RPS6KC1: variants seen among roughly 807,000 people sequenced by gnomAD.
RPS6KC1 encodes the protein inactive ribosomal protein S6 kinase delta-1.
In RPS6KC1, 54 loss-of-function variants were observed where a neutral mutation model predicts 103.8. The ratio of observed to expected loss-of-function variants is 0.52; its 90% confidence interval spans 0.42 to 0.65. The LOEUF is 0.65. Ranked by LOEUF, RPS6KC1 falls within the 30% of genes least tolerant of loss-of-function variation. The pLI is 0.00. For missense variants in RPS6KC1, 1,151 were observed against 1,253.8 expected, an observed-to-expected ratio of 0.92 and a Z score of 1.24; for synonymous variants, 439 against 438.7, an observed-to-expected ratio of 1.00 and a Z score of -0.01.
At chr1:213,678,377 T>C in the RPS6KC1 span, among the ~76,000 whole-genome samples, 1 of 152,240 alleles carries the variant, frequency 6.6e-6, no homozygotes, top group Admixed American at 6.5e-5. Context: ...TTCAGGGTCC[T>C]GCTCACAGTA....
the RPS6KC1 span, among the ~76,000 whole-genome samples, chr1:213,563,545 T>G: frequency 0.14 from 20,598 of 152,112 alleles, 1,600 homozygotes; most frequent in Non-Finnish European, 0.17. Context: ...CCCACTTTAT[T>G]TGGAGTTGAT....
chr1:213,316,124 G>A, the RPS6KC1 span, among the ~76,000 whole-genome samples: 1 of 152,118 alleles, frequency 6.6e-6, no homozygotes, highest in African/African-American at 2.4e-5. Context: ...GTTTCCCCAC[G>A]CTGTTCCCTG....
chr1:213,433,092 T>C, the RPS6KC1 span, among the ~76,000 whole-genome samples: 1 of 152,212 alleles, frequency 6.6e-6, no homozygotes, highest in African/African-American at 2.4e-5. Flanking sequence ...CAGGACTGAG[T>C]TCCTTTCTAG....
chr1:213,447,220 C>T, the RPS6KC1 span, among the ~76,000 whole-genome samples: 2 of 151,950 alleles, frequency 1.3e-5, no homozygotes, highest in Non-Finnish European at 2.9e-5. Context: ...GGCACTGCCA[C>T]CACATTTGGC....
the RPS6KC1 span, among the ~76,000 whole-genome samples, chr1:213,498,025 G>T: frequency 1.3e-5 from 2 of 152,108 alleles, no homozygotes; most frequent in African/African-American, 4.8e-5. Context: ...TAATGCTGAA[G>T]ATCTTTTTAT....
rs755890679 is a variant in RPS6KC1 at position 213,177,421 on chromosome 1, A to G, written c.1044+929A>G. On this transcript the variant is annotated intron_variant, in intron 8 of 14. Transcript: ENST00000366960. ...TTAACTTACTATACATTATTTGTGA[A>G]GTATGCGTGTGATTCCATCCTAAAA... Among the ~76,000 whole-genome samples the G allele has an allele frequency of 7.9e-5, 12 of 152,358 alleles. No individual in the cohort carries two copies. In the South Asian group the frequency reaches 1.4e-3, roughly 18 times the overall value.
the RPS6KC1 span, among the ~76,000 whole-genome samples, chr1:213,333,440 C>A: frequency 1.3e-5 from 2 of 152,142 alleles, no homozygotes; most frequent in African/African-American, 4.8e-5. Context: ...CATTCATGTC[C>A]ATTCCTAGAG....
chr1:213,283,650 G>A, the RPS6KC1 span, among the ~76,000 whole-genome samples: 333 of 152,204 alleles, frequency 2.2e-3, 2 homozygotes, highest in Non-Finnish European at 2.2e-3. Context: ...GGGATTAGAG[G>A]GCTGACCTTT....
At chr1:213,133,721 G>GT (rs553979357) in intron 6 of RPS6KC1, among the ~76,000 whole-genome samples, 186 of 152,252 alleles carry the variant, frequency 1.2e-3, no homozygotes, top group South Asian at 2.9e-3. Flanking sequence ...TGTGATCCCT[G>GT]TTTTATAGGT....
the RPS6KC1 span, among the ~76,000 whole-genome samples, chr1:213,347,259 A>G: frequency 2.0e-5 from 3 of 152,172 alleles, no homozygotes; most frequent in Non-Finnish European, 2.9e-5. Flanking sequence ...ATGATTGTAA[A>G]CACTTTTTTT....
chr1:213,213,115 CT>C (rs1302428407), intron 8 of RPS6KC1, among the ~76,000 whole-genome samples: 1 of 152,130 alleles, frequency 6.6e-6, no homozygotes, highest in African/African-American at 2.4e-5. Context: ...TGGGTTCTGC[CT>C]TTGATATTAT....
chr1:213,442,848 T>G, the RPS6KC1 span, among the ~76,000 whole-genome samples: 1 of 152,176 alleles, frequency 6.6e-6, no homozygotes, highest in Non-Finnish European at 1.5e-5. Flanking sequence ...CATGTAGCTG[T>G]TTCCTTCCAG....
chr1:213,063,995 T>C (rs1328297617), intron 1 of RPS6KC1, among the ~76,000 whole-genome samples: 1 of 152,188 alleles, frequency 6.6e-6, no homozygotes, highest in Non-Finnish European at 1.5e-5. Flanking sequence ...GATATATAGG[T>C]AGTACTAACT....
chr1:213,237,497 G>A (rs2094248985), intron 10 of RPS6KC1, among the ~76,000 whole-genome samples: 1 of 151,860 alleles, frequency 6.6e-6, no homozygotes, highest in African/African-American at 2.4e-5. Flanking sequence ...ATAAATACAT[G>A]TATAAACATG....
chr1:213,516,294 C>A, the RPS6KC1 span, among the ~76,000 whole-genome samples: 2 of 151,844 alleles, frequency 1.3e-5, no homozygotes, highest in Admixed American at 1.3e-4. Flanking sequence ...GAGAGGGCAT[C>A]CCTGTCTTGT....
chr1:213,299,047 C>T, the RPS6KC1 span, among the ~76,000 whole-genome samples: 6 of 152,298 alleles, frequency 3.9e-5, no homozygotes, highest in African/African-American at 1.4e-4. Context: ...CAAATTCAAA[C>T]AGCTGGGGCA....
At chr1:213,805,027 A>G in the RPS6KC1 span, among the ~76,000 whole-genome samples, 1 of 152,246 alleles carries the variant, frequency 6.6e-6, no homozygotes, top group Non-Finnish European at 1.5e-5. Context: ...GTAGTCTACG[A>G]AGTGAGCAAT....
At chr1:213,830,791 T>C in the RPS6KC1 span, among the ~76,000 whole-genome samples, 1 of 152,182 alleles carries the variant, frequency 6.6e-6, no homozygotes, top group African/African-American at 2.4e-5. Flanking sequence ...ACTCTTTTAC[T>C]TTATACACAA....
At chr1:213,344,836 T>TG in the RPS6KC1 span, among the ~76,000 whole-genome samples, 1 of 152,124 alleles carries the variant, frequency 6.6e-6, no homozygotes, top group Admixed American at 6.6e-5. Context: ...CACCCACCTA[T>TG]GCTTGTTTTT....
Sources: allele counts gnomAD v4.1 joint callset (sites outside exome capture counted in the v4.1 genomes callset), GRCh38; gene constraint gnomAD v4.1.1; transcripts MANE v1.5; gene names NCBI Gene and HGNC (gene_info 2026-07-23, HGNC 2026-07-21).